Variants in DLGAP2 observed in about 807,000 individuals in gnomAD.
The protein encoded by DLGAP2 is disks large-associated protein 2.
In DLGAP2, 26 loss-of-function variants were observed where a neutral mutation model predicts 100.3. The observed-to-expected ratio is 0.26, with a 90% CI of 0.19 to 0.36. The LOEUF (loss-of-function observed/expected upper bound fraction) is 0.36, where lower values mean the gene tolerates loss of function less well. DLGAP2 is among the 10% of genes least tolerant of loss of function. The probability of loss-of-function intolerance (pLI) is 1.00; values close to 1 mark genes in which losing one functional copy is unlikely to be tolerated. For missense variants in DLGAP2, 1,858 were observed against 1,453.2 expected, an observed-to-expected ratio of 1.28 and a Z score of -4.53; for synonymous variants, 886 against 630.1, an observed-to-expected ratio of 1.41 and a Z score of -6.08.
intron 6 of DLGAP2, among the ~76,000 whole-genome samples, chr8:1,577,695 C>T (rs979031121): frequency 3.3e-5 from 5 of 152,114 alleles, no homozygotes; most frequent in African/African-American, 1.2e-4. Context: ...GTCCCTGCAG[C>T]AGGGACAGGT....
At chr8:1,651,990 A>T (rs2130810966) in intron 8 of DLGAP2, among the ~76,000 whole-genome samples, 1 of 152,240 alleles carries the variant, frequency 6.6e-6, no homozygotes, top group South Asian at 2.1e-4. Context: ...GCACCTACAC[A>T]GCTCGTTTCT....
At chr8:1,476,034 G>A (rs1251349625) in intron 3 of DLGAP2, among the ~76,000 whole-genome samples, 1 of 152,108 alleles carries the variant, frequency 6.6e-6, no homozygotes, top group Admixed American at 6.5e-5. Flanking sequence ...AATATGAGGA[G>A]CCCAGGGCAT....
intron 2 of DLGAP2, among the ~76,000 whole-genome samples, chr8:968,394 G>A (rs1008097626): frequency 2.0e-5 from 3 of 152,144 alleles, no homozygotes; most frequent in Non-Finnish European, 2.9e-5. Flanking sequence ...ACTTATGGGG[G>A]CTCCATCAGT....
chr8:1,436,964 C>G (rs1323065284), intron 3 of DLGAP2, among the ~76,000 whole-genome samples: 2 of 152,228 alleles, frequency 1.3e-5, no homozygotes, highest in Admixed American at 6.5e-5. Flanking sequence ...GCAGGTGCAG[C>G]CTGGGAGCAG....
chr8:1,683,475 A>G (rs2130863308), intron 12 of DLGAP2, among the ~76,000 whole-genome samples: 1 of 151,062 alleles, frequency 6.6e-6, no homozygotes, highest in South Asian at 2.1e-4. Context: ...CATTCCCCAT[A>G]CCCTGGGGGA....
chr8:1,032,863 G>T (rs1272667073), intron 2 of DLGAP2: 1 of 152,196 alleles, frequency 6.6e-6, no homozygotes, highest in African/African-American at 2.4e-5. Context: ...ATGGACAAAA[G>T]AATTGTTCAC....
At chr8:1,194,992 C>T (rs1223339555) in intron 2 of DLGAP2, among the ~76,000 whole-genome samples, 1 of 152,250 alleles carries the variant, frequency 6.6e-6, no homozygotes, top group Non-Finnish European at 1.5e-5. Context: ...CTCTCCCGGC[C>T]TTCATTCCTC....
intron 2 of DLGAP2, among the ~76,000 whole-genome samples, chr8:1,176,464 C>T (rs946129610): frequency 4.6e-5 from 7 of 152,176 alleles, no homozygotes; most frequent in Non-Finnish European, 8.8e-5. Context: ...AGATGTAGAA[C>T]GATGAATGTA....
At chr8:1,469,391 G>A (rs1798717151) in intron 3 of DLGAP2, among the ~76,000 whole-genome samples, 1 of 152,206 alleles carries the variant, frequency 6.6e-6, no homozygotes, top group African/African-American at 2.4e-5. Context: ...TTAATGCGTG[G>A]CCACCATCTC....
chr8:1,439,064 A>G (rs1280876666), intron 3 of DLGAP2, among the ~76,000 whole-genome samples: 1 of 152,200 alleles, frequency 6.6e-6, no homozygotes, highest in East Asian at 1.9e-4. Flanking sequence ...AGACGAGTGT[A>G]AATGGGAGAG....
At chr8:1,671,484 GT>G (rs1401809837) in intron 10 of DLGAP2, among the ~76,000 whole-genome samples, 15 of 152,246 alleles carry the variant, frequency 9.9e-5, no homozygotes, top group African/African-American at 3.6e-4. Context: ...CACGCCCTCT[GT>G]GAGTCACTGG....
At chr8:1,205,138 C>T (rs748200633) in intron 2 of DLGAP2, among the ~76,000 whole-genome samples, 1 of 152,184 alleles carries the variant, frequency 6.6e-6, no homozygotes, top group South Asian at 2.1e-4. Context: ...TCTCACGTCC[C>T]TTGTCCTGGA....
At chr8:1,114,742 G>A (rs527750730) in intron 2 of DLGAP2, among the ~76,000 whole-genome samples, 3 of 151,902 alleles carry the variant, frequency 2.0e-5, no homozygotes, top group African/African-American at 7.2e-5. Context: ...GCTAGCTTTG[G>A]AGTTGATTTG....
At chr8:751,840 C>G (rs547188087) in intron 1 of DLGAP2, among the ~76,000 whole-genome samples, 2 of 152,078 alleles carry the variant, frequency 1.3e-5, no homozygotes, top group Admixed American at 6.5e-5. Context: ...CATAGTAAGT[C>G]CTTATAGGAA....
At chr8:1,555,546 G>A (rs934972354) in intron 5 of DLGAP2, among the ~76,000 whole-genome samples, 2 of 152,300 alleles carry the variant, frequency 1.3e-5, no homozygotes, top group Admixed American at 6.5e-5. Context: ...GCAGGATCTC[G>A]CTGGTGCTCA....
At chr8:1,267,576 AATAAAATAAAATAAG>A (rs1341823532) in intron 3 of DLGAP2, among the ~76,000 whole-genome samples, 98 of 55,908 alleles carry the variant, frequency 1.8e-3, no homozygotes, top group Non-Finnish European at 2.6e-3. Flanking sequence ...AATAAAATAA[AATAAAATAAAATAAG>A]ATAAGATAAG....
chr8:810,585 A>C (rs1327057858), intron 1 of DLGAP2, among the ~76,000 whole-genome samples: 1 of 152,210 alleles, frequency 6.6e-6, no homozygotes, highest in East Asian at 1.9e-4. Context: ...CTGTGCTGCA[A>C]TTTTTTTAAC....
At chr8:1,017,654 C>G (rs1003791865) in intron 2 of DLGAP2, among the ~76,000 whole-genome samples, 47 of 151,976 alleles carry the variant, frequency 3.1e-4, no homozygotes, top group African/African-American at 1.1e-3. Context: ...GACACCTCCA[C>G]TGTGTGTGAC....
At position 1,080,831 on chromosome 8, in the gene DLGAP2, G is replaced by A. The variant is rs116946539; in HGVS notation, c.73+172865G>A. On this transcript the variant is annotated intron_variant, in intron 2 of 14. Transcript: ENST00000637795. ...ATCCACTCACTCAGCGCTCTGAGGA[G>A]TTGTCCAGGCTACTTTCTCATACTG... Among the ~76,000 whole-genome samples the A allele has an allele frequency of 2.6e-3, 403 of 152,300 alleles. 15 individuals carry two copies. In the East Asian group the frequency reaches 0.06, roughly 23 times the overall value.
Sources: gnomAD v4.1 joint callset for allele counts (sites outside exome capture counted in the v4.1 genomes callset) on GRCh38, gnomAD v4.1.1 for gene constraint, MANE v1.5 for transcripts, NCBI Gene and HGNC (gene_info 2026-07-23, HGNC 2026-07-21) for gene names.